The following IGFBP7 variants were observed in gnomAD, a reference collection of about 807,000 sequenced individuals.
The protein encoded by IGFBP7 is insulin-like growth factor-binding protein 7.
Under a neutral mutation model 29.4 loss-of-function variants are expected in IGFBP7, and 31 were observed. That is an observed-to-expected ratio of 1.05 (90% confidence interval 0.79 to 1.42). IGFBP7 has a LOEUF of 1.42. Among genes scored for constraint, IGFBP7 ranks in the 40% most tolerant of loss-of-function variants. The pLI, the probability that IGFBP7 is intolerant of heterozygous loss-of-function variation, is 0.00. For synonymous variants in IGFBP7, 172 were observed against 174.9 expected (o/e 0.98, Z 0.13); for missense variants, 393 against 395.5 (o/e 0.99, Z 0.05).
rs147993631 is a variant in IGFBP7 at position 57,048,120 on chromosome 4, C to T, written c.476-7187G>A. 1.9e-3 allele frequency among the ~76,000 whole-genome samples: 285 copies of T among 150,250 alleles called. 2 individuals carry two copies. The highest frequency in any genetic ancestry group is 5.7e-3 in the African/African-American group (232 of 40,820). ...AGTGTGGAGTGCAGTGGTGCCATCT[C>T]GGCTCACTGCAAGCTCCACATCCTG... On this transcript the variant is annotated intron_variant, in intron 1 of 4. Coordinates refer to ENST00000295666, the MANE Select transcript of IGFBP7 (RefSeq NM_001553.3).
intron 1 of IGFBP7, among the ~76,000 whole-genome samples, chr4:57,084,188 G>T (rs918670917): frequency 3.9e-5 from 6 of 152,070 alleles, no homozygotes; most frequent in African/African-American, 1.4e-4. Flanking sequence ...GATTAATTTT[G>T]TCTCAATTAT....
intron 1 of IGFBP7, among the ~76,000 whole-genome samples, chr4:57,055,115 T>C (rs1439820098): frequency 6.6e-6 from 1 of 152,096 alleles, no homozygotes; most frequent in Admixed American, 6.5e-5. Context: ...GCTATGCAGG[T>C]TGGAAAAGAT....
chr4:57,092,666 T>G (rs899673694), intron 1 of IGFBP7, among the ~76,000 whole-genome samples: 1 of 150,536 alleles, frequency 6.6e-6, no homozygotes, highest in Non-Finnish European at 1.5e-5. Flanking sequence ...TACATAAAAA[T>G]TTATATATAT....
At chr4:57,047,340 C>G (rs759033526) in intron 1 of IGFBP7, among the ~76,000 whole-genome samples, 1 of 152,190 alleles carries the variant, frequency 6.6e-6, no homozygotes, top group African/African-American at 2.4e-5. Context: ...GATTGTGAGG[C>G]CTCCCCAGCC....
At chr4:57,073,517 C>T (rs1725115580) in intron 1 of IGFBP7, among the ~76,000 whole-genome samples, 1 of 151,686 alleles carries the variant, frequency 6.6e-6, no homozygotes, top group South Asian at 2.1e-4. Flanking sequence ...ATTGCTCAAG[C>T]CAGAGAAGTT....
chr4:57,068,392 T>C (rs1248146440), intron 1 of IGFBP7, among the ~76,000 whole-genome samples: 1 of 151,842 alleles, frequency 6.6e-6, no homozygotes, highest in Non-Finnish European at 1.5e-5. Context: ...ATTTCCCCTA[T>C]AGCAAAGATG....
chr4:57,077,732 G>A (rs1475457809), intron 1 of IGFBP7, among the ~76,000 whole-genome samples: 3 of 152,182 alleles, frequency 2.0e-5, no homozygotes, highest in African/African-American at 7.2e-5. Context: ...AAATGCAAAG[G>A]GAACAGAACT....
intron 1 of IGFBP7, among the ~76,000 whole-genome samples, chr4:57,067,025 T>C (rs2109771323): frequency 6.6e-6 from 1 of 152,076 alleles, no homozygotes; most frequent in Non-Finnish European, 1.5e-5. Flanking sequence ...CTCCAAGAAT[T>C]AGGGTAAAAA....
At chr4:57,036,327 CTCTT>C (rs1283687348) in intron 2 of IGFBP7, among the ~76,000 whole-genome samples, 1 of 152,132 alleles carries the variant, frequency 6.6e-6, no homozygotes, top group African/African-American at 2.4e-5. Flanking sequence ...AGATTCTCAA[CTCTT>C]TCTTTATACG....
chr4:57,042,762 GTTTCC>G (rs1295282773), intron 1 of IGFBP7, among the ~76,000 whole-genome samples: 19 of 152,222 alleles, frequency 1.2e-4, no homozygotes, highest in African/African-American at 3.6e-4. Context: ...ACACTTATTT[GTTTCC>G]TGTGGTCTCT....
chr4:57,109,864 C>G lies in IGFBP7; in HGVS notation c.475+13G>C, dbSNP rs1172924362. ...AGCGGCGCAGGGTTGGAGAGGGAAG[C>G]GCTCGTGCCCACCTTGCTCGCAGGT... On this transcript the variant is annotated intron_variant, in intron 1 of 4. Transcript: ENST00000295666. The G allele has an allele frequency of 6.5e-7, 1 of 1,535,896 alleles. No individual in the cohort carries two copies. Among genetic ancestry groups the G allele is most frequent in the Non-Finnish European group, 8.7e-7 (1 of 1,147,042 alleles).
chr4:57,078,485 A>G (rs992922928), intron 1 of IGFBP7, among the ~76,000 whole-genome samples: 107 of 137,628 alleles, frequency 7.8e-4, no homozygotes, highest in African/African-American at 3.1e-3. Flanking sequence ...AAACTTGTCT[A>G]AAAAAAAAAA....
intron 1 of IGFBP7, among the ~76,000 whole-genome samples, chr4:57,058,957 A>AAGAAG (rs1366064795): frequency 1.3e-5 from 2 of 152,238 alleles, no homozygotes; most frequent in African/African-American, 4.8e-5. Context: ...CACTTTTCTA[A>AAGAAG]AGAAGACACA....
intron 1 of IGFBP7, among the ~76,000 whole-genome samples, chr4:57,100,741 T>A (rs1379576232): frequency 6.6e-6 from 1 of 152,244 alleles, no homozygotes; most frequent in African/African-American, 2.4e-5. Flanking sequence ...TAGAAACTTC[T>A]TATTTTGAAA....
At chr4:57,038,665 C>T (rs1724141639) in intron 2 of IGFBP7, among the ~76,000 whole-genome samples, 1 of 152,072 alleles carries the variant, frequency 6.6e-6, no homozygotes, top group South Asian at 2.1e-4. Flanking sequence ...TCTGGTTATG[C>T]CCTTTTACTT....
intron 1 of IGFBP7, among the ~76,000 whole-genome samples, chr4:57,076,981 C>T (rs1278405673): frequency 1.3e-5 from 2 of 152,004 alleles, no homozygotes; most frequent in Non-Finnish European, 2.9e-5. Flanking sequence ...GGCTTGATTC[C>T]AAAGGAAAAT....
At chr4:57,042,867 A>C (rs1346771685) in intron 1 of IGFBP7, among the ~76,000 whole-genome samples, 1 of 152,200 alleles carries the variant, frequency 6.6e-6, no homozygotes, top group Non-Finnish European at 1.5e-5. Flanking sequence ...TTCCTGCTCT[A>C]ATCAACTGAG....
At chr4:57,068,560 C>T (rs554669739) in intron 1 of IGFBP7, among the ~76,000 whole-genome samples, 6 of 152,214 alleles carry the variant, frequency 3.9e-5, no homozygotes, top group African/African-American at 1.4e-4. Flanking sequence ...TTCAGTAGTG[C>T]ATGGTTGGAG....
intron 1 of IGFBP7, among the ~76,000 whole-genome samples, chr4:57,045,273 G>A (rs574551171): frequency 1.5e-3 from 228 of 152,306 alleles, no homozygotes; most frequent in African/African-American, 5.3e-3. Context: ...TCCTGCTGGG[G>A]TGATGTAGTG....
Sources: allele counts gnomAD v4.1 joint callset (sites outside exome capture counted in the v4.1 genomes callset), GRCh38; gene constraint gnomAD v4.1.1; transcripts MANE v1.5; gene names NCBI Gene and HGNC (gene_info 2026-07-23, HGNC 2026-07-21).